Variants in VAV2 observed in about 807,000 individuals in gnomAD.
VAV2 encodes vav guanine nucleotide exchange factor 2, also known as guanine nucleotide exchange factor VAV2.
A neutral mutation model predicts 132.5 loss-of-function variants in VAV2; 67 were observed. That is an observed-to-expected ratio of 0.51 (90% CI 0.42 to 0.62). VAV2 has a LOEUF of 0.62. Among genes scored for constraint, VAV2 ranks in the 20% least tolerant of loss-of-function variants. The pLI is 0.00. For missense variants in VAV2, 938 were observed against 1,153.6 expected, an observed-to-expected ratio of 0.81 and a Z score of 2.71; for synonymous variants, 492 against 443.5, an observed-to-expected ratio of 1.11 and a Z score of -1.37.
intron 1 of VAV2, among the ~76,000 whole-genome samples, chr9:133,964,387 C>A (rs1842080366): frequency 1.3e-5 from 2 of 151,648 alleles, no homozygotes; most frequent in South Asian, 4.2e-4. Flanking sequence ...TATATACACA[C>A]AAATATATGT....
At chr9:133,989,683 T>C (rs1400221664) in intron 1 of VAV2, among the ~76,000 whole-genome samples, 8 of 151,766 alleles carry the variant, frequency 5.3e-5, no homozygotes, top group African/African-American at 1.7e-4. Flanking sequence ...AGACTCCATC[T>C]CCAAAAAGAA....
chr9:133,837,654 G>A (rs373938871), intron 3 of VAV2, among the ~76,000 whole-genome samples: 5 of 151,084 alleles, frequency 3.3e-5, no homozygotes, highest in African/African-American at 1.2e-4. Flanking sequence ...AGCCAAGATC[G>A]TGCCATTTCA....
At chr9:133,968,626 G>A (rs1435874792) in intron 1 of VAV2, among the ~76,000 whole-genome samples, 2 of 152,176 alleles carry the variant, frequency 1.3e-5, no homozygotes, top group African/African-American at 4.8e-5. Flanking sequence ...CCCGGGCTCT[G>A]GGGCTGCCTG....
intron 1 of VAV2, among the ~76,000 whole-genome samples, chr9:133,980,262 C>T (rs1842652616): frequency 6.6e-6 from 1 of 152,188 alleles, no homozygotes. Flanking sequence ...CACGGGCTGG[C>T]ACGAGGCCTC....
chr9:133,884,331 C>T lies in VAV2; in HGVS notation c.322-22899G>A, dbSNP rs534162316. ...CACGCGTCCTGCCTCCCAGCTGGAC[C>T]CCAGGCTCCTCCAAAGTACAACTCA... On this transcript the variant is annotated intron_variant, in intron 2 of 29. Transcript: ENST00000371850. The surrounding 1 kb of genome is among the most constrained non-coding windows in gnomAD (Gnocchi z 5.3). Among the ~76,000 whole-genome samples, 1 of 152,280 alleles carries T rather than the reference C, an allele frequency of 6.6e-6. No individual in the cohort carries two copies. The highest frequency in any genetic ancestry group is 6.5e-5 in the Admixed American group (1 of 15,296).
At chr9:133,941,523 C>G (rs1293278693) in intron 1 of VAV2, among the ~76,000 whole-genome samples, 1 of 151,620 alleles carries the variant, frequency 6.6e-6, no homozygotes, top group East Asian at 1.9e-4. Flanking sequence ...GTCTAAAACA[C>G]TCCATGATCT....
intron 2 of VAV2, among the ~76,000 whole-genome samples, chr9:133,874,927 A>G (rs1409119833): frequency 5.9e-5 from 9 of 152,166 alleles, no homozygotes; most frequent in Non-Finnish European, 1.2e-4. Context: ...TGGGGGAAAC[A>G]TGCGTCCAGA....
intron 2 of VAV2, among the ~76,000 whole-genome samples, chr9:133,930,395 T>TCCACCCTGCCTCCTGGCCC (rs1840641586): frequency 6.6e-6 from 1 of 151,208 alleles, no homozygotes; most frequent in Non-Finnish European, 1.5e-5. Context: ...CCTCCTGGCC[T>TCCACCCTGCCTCCTGGCCC]CCACACTGGC....
At chr9:133,786,321 G>A (rs1477076634) in intron 16 of VAV2, among the ~76,000 whole-genome samples, 6 of 152,222 alleles carry the variant, frequency 3.9e-5, no homozygotes, top group Admixed American at 3.9e-4. Context: ...CACGTATGAT[G>A]CACATGCACC....
intron 13 of VAV2, among the ~76,000 whole-genome samples, chr9:133,790,182 G>A (rs1171072410): frequency 6.7e-6 from 1 of 148,892 alleles, no homozygotes; most frequent in Non-Finnish European, 1.5e-5. Flanking sequence ...TTTTATTCTT[G>A]TTGTTGTCGT....
chr9:133,911,721 AC>A (rs1255812077), intron 2 of VAV2, among the ~76,000 whole-genome samples: 1 of 152,074 alleles, frequency 6.6e-6, no homozygotes, highest in East Asian at 1.9e-4. Flanking sequence ...TCACACACAC[AC>A]TAAAGACGCC....
At chr9:133,817,545 T>C (rs1835608494) in intron 4 of VAV2, among the ~76,000 whole-genome samples, 1 of 152,118 alleles carries the variant, frequency 6.6e-6, no homozygotes, top group Non-Finnish European at 1.5e-5. Flanking sequence ...GAGGTGGAGC[T>C]TGCAGTGAGC....
intron 2 of VAV2, among the ~76,000 whole-genome samples, chr9:133,921,628 A>T (rs1047096609): frequency 3.3e-5 from 5 of 152,178 alleles, no homozygotes; most frequent in East Asian, 1.9e-4. Flanking sequence ...TCTTTGATTA[A>T]ACCATGTCCC....
intron 21 of VAV2, 129 bp downstream of exon 21, chr9:133,779,789 C>T: frequency 7.8e-7 from 1 of 1,284,556 alleles, no homozygotes; most frequent in Non-Finnish European, 1.1e-6. Flanking sequence ...GCCCAGATGG[C>T]AGCATCCAGG....
Position 133,911,810 on chromosome 9 carries a change from G to A in VAV2, c.321+27293C>T, listed in dbSNP as rs191737360. ...TCGTCAGCACAGGCCTTCAGCAAGA[G>A]CCTCAGGGATGCCAGTTACCAACCA... On this transcript the variant is annotated intron_variant, in intron 2 of 29. Transcript: ENST00000371850. Among the ~76,000 whole-genome samples the A allele has an allele frequency of 1.3e-3, 202 of 152,370 alleles. 2 individuals carry two copies. The highest frequency in any genetic ancestry group is 5.8e-3 in the East Asian group (30 of 5,192).
At chr9:133,983,446 G>A (rs900966497) in intron 1 of VAV2, among the ~76,000 whole-genome samples, 4 of 152,136 alleles carry the variant, frequency 2.6e-5, no homozygotes, top group Non-Finnish European at 5.9e-5. Flanking sequence ...ACCCACGCCA[G>A]GCCCCCACCA....
chr9:133,960,417 G>C (rs1414088920), intron 1 of VAV2, among the ~76,000 whole-genome samples: 1 of 152,180 alleles, frequency 6.6e-6, no homozygotes, highest in Non-Finnish European at 1.5e-5. Flanking sequence ...GGACCCCACT[G>C]GAGCCTCACT....
At chr9:133,808,164 C>T (rs986581430) in intron 7 of VAV2, among the ~76,000 whole-genome samples, 1 of 152,158 alleles carries the variant, frequency 6.6e-6, no homozygotes, top group Non-Finnish European at 1.5e-5. Flanking sequence ...GACCTCAGAG[C>T]CAGGATTCTC....
intron 7 of VAV2, among the ~76,000 whole-genome samples, chr9:133,808,489 T>A (rs1437877138): frequency 6.6e-6 from 1 of 151,792 alleles, no homozygotes; most frequent in East Asian, 1.9e-4. Flanking sequence ...GTAGGGGAGG[T>A]GAAGGCTGAT....
Sources: allele counts gnomAD v4.1 joint callset (sites outside exome capture counted in the v4.1 genomes callset), GRCh38; gene constraint gnomAD v4.1.1; non-coding constraint Gnocchi (gnomAD v3.1); transcripts MANE v1.5; gene names NCBI Gene and HGNC (gene_info 2026-07-23, HGNC 2026-07-21).